Variants in MRAP2 observed in about 807,000 individuals in gnomAD.
MRAP2 encodes melanocortin-2 receptor accessory protein 2.
A neutral mutation model predicts 17.4 loss-of-function variants in MRAP2; 20 were observed. That is an observed-to-expected ratio of 1.15 (90% CI 0.81 to 1.67). The LOEUF (loss-of-function observed/expected upper bound fraction) is 1.67. Ranked by LOEUF, MRAP2 falls within the 40% of genes most tolerant of loss-of-function variation. The pLI, the probability that MRAP2 is intolerant of heterozygous loss-of-function variation, is 0.00. For missense variants in MRAP2, 238 were observed against 240.0 expected, an observed-to-expected ratio of 0.99 and a Z score of 0.05; for synonymous variants, 96 against 88.4, an observed-to-expected ratio of 1.09 and a Z score of -0.48.
intron 3 of MRAP2, among the ~76,000 whole-genome samples, chr6:84,079,452 G>A (rs2099498424): frequency 6.6e-6 from 1 of 152,198 alleles, no homozygotes; most frequent in African/African-American, 2.4e-5. Context: ...CCTTTATGTT[G>A]ATTGGGGTGG....
chr6:84,140,406 TC>T, the MRAP2 span, among the ~76,000 whole-genome samples: 7 of 152,228 alleles, frequency 4.6e-5, no homozygotes, highest in African/African-American at 1.7e-4. Context: ...GCAATGAAGG[TC>T]TTTGTTTTCT....
the MRAP2 span, among the ~76,000 whole-genome samples, chr6:84,132,241 G>A: frequency 6.6e-6 from 1 of 152,210 alleles, no homozygotes; most frequent in East Asian, 1.9e-4. Context: ...CCCTTTGTGG[G>A]TAAGCTGACC....
chr6:84,121,081 T>A, the MRAP2 span, among the ~76,000 whole-genome samples: 3 of 151,292 alleles, frequency 2.0e-5, no homozygotes, highest in Middle Eastern at 3.2e-3. Context: ...TTTTTAATTT[T>A]TTTTTTTTTT....
At chr6:84,112,838 C>A in the MRAP2 span, among the ~76,000 whole-genome samples, 1 of 152,278 alleles carries the variant, frequency 6.6e-6, no homozygotes, top group Non-Finnish European at 1.5e-5. Context: ...ATCTTTATTT[C>A]TGCCTTAATT....
At chr6:84,035,717 TG>T (rs1278046776) in intron 1 of MRAP2, among the ~76,000 whole-genome samples, 2 of 152,182 alleles carry the variant, frequency 1.3e-5, no homozygotes, top group African/African-American at 2.4e-5. Context: ...AGCCCCATTC[TG>T]GTCACAGTGG....
downstream of MRAP2, among the ~76,000 whole-genome samples, chr6:84,092,671 G>A (rs1319373474): frequency 6.6e-6 from 1 of 152,154 alleles, no homozygotes; most frequent in Non-Finnish European, 1.5e-5. Flanking sequence ...CAGGCCCCCT[G>A]TATACACCAA....
At chr6:84,110,478 T>A in the MRAP2 span, among the ~76,000 whole-genome samples, 2 of 152,196 alleles carry the variant, frequency 1.3e-5, no homozygotes, top group African/African-American at 4.8e-5. Context: ...ATTCTGGATA[T>A]TAGCCCTTTT....
At chr6:84,040,627 A>G (rs759624744) in intron 1 of MRAP2, among the ~76,000 whole-genome samples, 1 of 152,224 alleles carries the variant, frequency 6.6e-6, no homozygotes, top group African/African-American at 2.4e-5. Context: ...GATATGGACA[A>G]TGAAGTCCAG....
intron 3 of MRAP2, among the ~76,000 whole-genome samples, chr6:84,082,768 G>C (rs573065253): frequency 6.6e-6 from 1 of 152,068 alleles, no homozygotes; most frequent in African/African-American, 2.4e-5. Flanking sequence ...CAAATAGCTT[G>C]ATCAATCCTT....
chr6:84,097,758 T>A, the MRAP2 span, among the ~76,000 whole-genome samples: 1 of 152,228 alleles, frequency 6.6e-6, no homozygotes, highest in Non-Finnish European at 1.5e-5. Context: ...TCATATGGTC[T>A]TGACATTTCA....
At chr6:84,093,338 G>T (rs1454522641), downstream of MRAP2, among the ~76,000 whole-genome samples, 1 of 152,168 alleles carries the variant, frequency 6.6e-6, no homozygotes, top group Non-Finnish European at 1.5e-5. Flanking sequence ...AGGCACCAGG[G>T]TGAAACAATG....
At chr6:84,065,082 C>T (rs990455017) in intron 3 of MRAP2, among the ~76,000 whole-genome samples, 2 of 151,990 alleles carry the variant, frequency 1.3e-5, no homozygotes, top group Non-Finnish European at 2.9e-5. Flanking sequence ...CTGAGGAGTT[C>T]GAGAACAGCC....
At chr6:84,123,044 A>G in the MRAP2 span, among the ~76,000 whole-genome samples, 1 of 151,926 alleles carries the variant, frequency 6.6e-6, no homozygotes, top group Non-Finnish European at 1.5e-5. Flanking sequence ...GGAGGTAAAA[A>G]AGAACTACAA....
intron 1 of MRAP2, among the ~76,000 whole-genome samples, chr6:84,044,858 G>C: frequency 6.6e-6 from 1 of 152,324 alleles, no homozygotes; most frequent in Admixed American, 6.5e-5. Flanking sequence ...CTCCACACCC[G>C]TGGGTTCCAC....
chr6:84,055,314 C>A lies in MRAP2; in HGVS notation c.-5C>A. 1 of 1,611,896 alleles carries A rather than the reference C, an allele frequency of 6.2e-7. No individual in the cohort carries two copies. Among genetic ancestry groups the A allele is most frequent in the Non-Finnish European group, 8.5e-7 (1 of 1,179,508 alleles). ...CTTGACTTTCTCCATTTGTGCAGGT[C>A]GGAGATGTCCGCCCAGAGGTTAATT... is the stretch of plus-strand genomic sequence containing the variant. On this transcript the variant is annotated splice_region_variant and 5_prime_UTR_variant, in exon 2 of 4. Coordinates refer to ENST00000257776, the MANE Select transcript of MRAP2 (RefSeq NM_138409.4).
chr6:84,049,081 G>C (rs1462105647), intron 1 of MRAP2, among the ~76,000 whole-genome samples: 1 of 152,134 alleles, frequency 6.6e-6, no homozygotes, highest in Non-Finnish European at 1.5e-5. Flanking sequence ...AAGTCTATTA[G>C]AATGGGACTA....
Position 84,064,099 on chromosome 6 carries a change from A to T in MRAP2, c.227+1107A>T, listed in dbSNP as rs116012817. On this transcript the variant is annotated intron_variant, in intron 3 of 3. Coordinates refer to ENST00000257776, the MANE Select transcript of MRAP2 (RefSeq NM_138409.4). The stretch of plus-strand genomic sequence containing the variant: ...TAAAGGGGCTGTGCGGAAGTTATGG[A>T]CAGGGAAGAGGGCAACTACGCAGGC... 4.6e-3 allele frequency among the ~76,000 whole-genome samples: 694 copies of T among 151,724 alleles called. 5 individuals are homozygous for T. Among genetic ancestry groups the T allele is most frequent in the African/African-American group, 0.016 (668 of 41,298 alleles).
chr6:84,074,450 C>G (rs1317138145), intron 3 of MRAP2, among the ~76,000 whole-genome samples: 2 of 152,216 alleles, frequency 1.3e-5, no homozygotes, highest in Non-Finnish European at 2.9e-5. Context: ...TCTGCAAGCT[C>G]AGAATGGACT....
chr6:84,113,539 A>G, the MRAP2 span, among the ~76,000 whole-genome samples: 1 of 152,102 alleles, frequency 6.6e-6, no homozygotes, highest in Non-Finnish European at 1.5e-5. Flanking sequence ...TCTTTATCCA[A>G]TTTGCCAGTC....
Sources: allele counts gnomAD v4.1 joint callset (sites outside exome capture counted in the v4.1 genomes callset), GRCh38; gene constraint gnomAD v4.1.1; transcripts MANE v1.5; gene names NCBI Gene and HGNC (gene_info 2026-07-23, HGNC 2026-07-21).